Variants in SERPINF2 observed in about 807,000 individuals in gnomAD.
SERPINF2 encodes serpin family F member 2.
SERPINF2 carries 15 observed loss-of-function variants against 45.0 expected under a neutral mutation model. The observed-to-expected ratio is 0.33, with a 90% CI of 0.22 to 0.51. The LOEUF is 0.51. SERPINF2 is among the 20% of genes least tolerant of loss of function. The pLI, the probability that SERPINF2 is intolerant of heterozygous loss-of-function variation, is 0.97. For synonymous variants in SERPINF2, 283 were observed against 277.9 expected (o/e 1.02, Z -0.18); for missense variants, 518 against 637.4 (o/e 0.81, Z 2.02).
At chr17:1,748,776 C>A in intron 8 of SERPINF2, 36 bp downstream of exon 8, 1 of 1,095,310 alleles carries the variant, frequency 9.1e-7, no homozygotes, top group Non-Finnish European at 1.4e-6. Flanking sequence ...GGGCCTGAGG[C>A]TGGGAGGTGG....
chr17:1,754,694 G>C lies in SERPINF2; in HGVS notation c.*160G>C, dbSNP rs189673650. On this transcript the variant is annotated 3_prime_UTR_variant, in exon 10 of 10. Coordinates refer to ENST00000453066, the MANE Select transcript of SERPINF2 (RefSeq NM_000934.4). ...CTTGGGGAGTTTAGGGTGGGGGGGG[G>C]GCGCGGCTGGGAGGAGGGCAGGCAT... is the stretch of plus-strand genomic sequence containing the variant. The C allele has an allele frequency of 7.3e-6, 3 of 412,576 alleles. No individual in the cohort carries two copies. Among genetic ancestry groups the C allele is most frequent in the Admixed American group, 8.6e-5 (2 of 23,212 alleles). 25.6% of individuals were successfully genotyped at this position (412,576 alleles called of 1,614,324 possible). A position where few individuals can be genotyped will look rare whatever the true frequency, so the allele number is the denominator to read the frequency against.
At chr17:1,753,427 C>A (rs543289783) in intron 9 of SERPINF2, among the ~76,000 whole-genome samples, 1 of 152,344 alleles carries the variant, frequency 6.6e-6, no homozygotes, top group African/African-American at 2.4e-5. Flanking sequence ...TGGCTCACGT[C>A]TGTAATCCTA....
chr17:1,744,850 G>T (rs1216523920), intron 1 of SERPINF2, 142 bp from the exon 2 acceptor site: 16 of 1,540,862 alleles, frequency 1.0e-5, no homozygotes, highest in Non-Finnish European at 1.4e-5. Flanking sequence ...GTGTGTTTGG[G>T]GTCTGTTCTG....
chr17:1,745,633 G>T lies in SERPINF2; in HGVS notation c.166-75G>T, dbSNP rs1001812537. 1.1e-5 allele frequency: 16 copies of T among 1,441,102 alleles called. No homozygotes were observed. The highest frequency in any genetic ancestry group is 1.5e-5 in the Non-Finnish European group (15 of 1,033,664). The allele number at this position is 1,441,102 out of a possible 1,614,324, so 89.3% of individuals were successfully genotyped here. On this transcript the variant is annotated intron_variant, in intron 4 of 9. Coordinates refer to ENST00000453066, the MANE Select transcript of SERPINF2 (RefSeq NM_000934.4). The surrounding 1 kb of genome is among the most constrained non-coding windows in gnomAD (Gnocchi z 6.2). ...AGGCCCTGCTGTCCTCAGGCACAGG[G>T]GCTGTGACAAGGCCTTCAACACAGA...
intron 8 of SERPINF2, among the ~76,000 whole-genome samples, chr17:1,749,742 AG>A (rs1410309205): frequency 1.3e-5 from 2 of 151,978 alleles, no homozygotes; most frequent in Non-Finnish European, 2.9e-5. Flanking sequence ...TTCTGTGAGG[AG>A]GGGGCATTGA....
chr17:1,750,037 G>A (rs1231568390), intron 8 of SERPINF2, among the ~76,000 whole-genome samples: 2 of 150,916 alleles, frequency 1.3e-5, no homozygotes, highest in Admixed American at 1.3e-4. Flanking sequence ...GCAGTGGCAC[G>A]ATCTCGGCTC....
rs781139539 is a variant in SERPINF2, at chr17:1,744,947, C to T, written c.-4-45C>T. Reference sequence around the variant, plus strand: ...CGCGTGGGTAGGATTCCCTGGCGGGCGTGGGGATGTGAGATGGGAACAGAG... The same window carrying T: ...CGCGTGGGTAGGATTCCCTGGCGGGTGTGGGGATGTGAGATGGGAACAGAG... On this transcript the variant is annotated intron_variant, in intron 1 of 9. Coordinates refer to ENST00000453066, the MANE Select transcript of SERPINF2 (RefSeq NM_000934.4). The T allele has an allele frequency of 1.4e-5, 23 of 1,611,720 alleles. No individual in the cohort carries two copies. The East Asian group carries it at 2.0e-4, about 14-fold the overall frequency.
Position 1,747,457 on chromosome 17 carries a change from C to T in SERPINF2, c.660C>T (p.Leu220=). ...EATEGKIQEF[L]SGLPEDTVLL... ...CGGAGGGGAAGATTCAGGAATTCCT[C>T]TCTGGGCTGCCGGAAGACACCGTGT... The change falls in exon 7 of 10, where the codon CTC becomes CTT. Residue 220 remains leucine (L), a synonymous_variant. Coordinates refer to ENST00000453066, the MANE Select transcript of SERPINF2 (RefSeq NM_000934.4). 5 of 1,614,178 alleles carry T rather than the reference C, an allele frequency of 3.1e-6. No individual in the cohort carries two copies. The highest frequency in any genetic ancestry group is 3.4e-6 in the Non-Finnish European group (4 of 1,180,046).
chr17:1,751,555 C>T (rs2151195391), intron 8 of SERPINF2, among the ~76,000 whole-genome samples: 1 of 136,592 alleles, frequency 7.3e-6, no homozygotes, highest in African/African-American at 2.5e-5. Context: ...GAGATTGAGA[C>T]CATCCTGGCT....
Position 1,745,689 on chromosome 17 carries a change from C to A in SERPINF2, c.166-19C>A, listed in dbSNP as rs757961146. Reference sequence around the variant, plus strand: ...GAGCTGACCCCTTGACCTCCCTGACCCCTGATCTGTCCCTGCAGGAGCCTG... The same window carrying A: ...GAGCTGACCCCTTGACCTCCCTGACACCTGATCTGTCCCTGCAGGAGCCTG... On this transcript the variant is annotated intron_variant, in intron 4 of 9. Coordinates refer to ENST00000453066, the MANE Select transcript of SERPINF2 (RefSeq NM_000934.4). This position sits in a 1 kb window ranked among gnomAD's most constrained non-coding sequence, Gnocchi z 6.2. 1 of 1,611,710 alleles carries A rather than the reference C, an allele frequency of 6.2e-7. No homozygotes were observed. Among genetic ancestry groups the A allele is most frequent in the Admixed American group, 1.7e-5 (1 of 60,010 alleles).
rs760088657 is a variant in SERPINF2, at chr17:1,748,623, G to T, written c.741G>T (p.Pro247=). Residue 247 remains proline, a synonymous_variant, in exon 8 of 10, where the codon CCG becomes CCT. Transcript: ENST00000453066. ...GTTTCTGGAGGAACAAGTTTGACCC[G>T]AGCCTTACCCAGAGAGACTCCTTCC... is the stretch of plus-strand genomic sequence containing the variant. ...FQGFWRNKFD[P]SLTQRDSFHL... 1 of 1,613,976 alleles carries T rather than the reference G, an allele frequency of 6.2e-7. No individual in the cohort carries two copies. The highest frequency in any genetic ancestry group is 1.7e-5 in the Admixed American group (1 of 60,024).
rs1445092230 is a variant in SERPINF2 at position 1,745,771 on chromosome 17, G to C, written c.229G>C (p.Glu77Gln). The change falls in exon 5 of 10, where the codon GAG becomes CAG. Residue 77 changes from glutamate to glutamine, a missense_variant. Coordinates refer to ENST00000453066, the MANE Select transcript of SERPINF2 (RefSeq NM_000934.4). This position sits in a 1 kb window ranked among gnomAD's most constrained non-coding sequence, Gnocchi z 6.2. ...PGVCSRDPTP[E>Q]QTHRLARAMM... ...AGTCTGCAGCAGAGACCCCACCCCA[G>C]AGCAGACCCACAGGCTGGCCCGGGC... The C allele has an allele frequency of 1.2e-6, 2 of 1,613,882 alleles. No individual in the cohort carries two copies. The highest frequency in any genetic ancestry group is 1.7e-6 in the Non-Finnish European group (2 of 1,179,996).
intron 1 of SERPINF2, among the ~76,000 whole-genome samples, chr17:1,743,843 C>G (rs1465231250): frequency 6.6e-6 from 1 of 151,834 alleles, no homozygotes; most frequent in Non-Finnish European, 1.5e-5. Flanking sequence ...TTGAGCCAAG[C>G]TGACCCCAGC....
chr17:1,752,442 G>A (rs1384966587), intron 8 of SERPINF2, 144 bp from the exon 9 acceptor site: 8 of 743,144 alleles, frequency 1.1e-5, no homozygotes, highest in Non-Finnish European at 1.7e-5. Flanking sequence ...CCACTGTGAG[G>A]AAGTGGAGGA....
At position 1,752,622 on chromosome 17, in the gene SERPINF2, G is replaced by C; in HGVS notation, c.895G>C (p.Val299Leu). Residue 299 changes from valine to leucine, a missense_variant, in exon 9 of 10, where the codon GTG (valine) becomes CTG (leucine). By Grantham distance (32) the Val-to-Leu change is conservative (BLOSUM62 1). This residue lies in a region of SERPINF2 where 435 missense variants were observed against 577.3 expected (regional missense o/e 0.75). Coordinates refer to ENST00000453066, the MANE Select transcript of SERPINF2 (RefSeq NM_000934.4). Reference sequence around the variant, plus strand: ...CCCCTTTAAGAACAACATGAGCTTTGTGGTCCTTGTACCCACCCACTTTGA... The same window carrying C: ...CCCCTTTAAGAACAACATGAGCTTTCTGGTCCTTGTACCCACCCACTTTGA... ...HFPFKNNMSF[V>L]VLVPTHFEWN... 3.1e-6 allele frequency: 5 copies of C among 1,614,162 alleles called. No individual in the cohort carries two copies. The highest frequency in any genetic ancestry group is 4.2e-6 in the Non-Finnish European group (5 of 1,180,028).
At position 1,754,965 on chromosome 17, in the gene SERPINF2, G is replaced by T. The variant is rs983938692; in HGVS notation, c.*431G>T. 11 of 225,062 alleles carry T rather than the reference G, an allele frequency of 4.9e-5. No individual in the cohort carries two copies. Among genetic ancestry groups the T allele is most frequent in the African/African-American group, 2.5e-4 (11 of 43,472 alleles). The allele number at this position is 225,062 out of a possible 1,614,324, so 13.9% of individuals were successfully genotyped here. A position where few individuals can be genotyped will look rare whatever the true frequency, so the allele number is the denominator to read the frequency against. ...GAGAGACGGGCCCTGGTGGTGGCTCGGGAGGCGAAGCGTTGTCCTCAGCCC... is the reference window on the plus strand; with the variant it reads ...GAGAGACGGGCCCTGGTGGTGGCTCTGGAGGCGAAGCGTTGTCCTCAGCCC... On this transcript the variant is annotated 3_prime_UTR_variant, in exon 10 of 10. Coordinates refer to ENST00000453066, the MANE Select transcript of SERPINF2 (RefSeq NM_000934.4).
At position 1,745,734 on chromosome 17, in the gene SERPINF2, G is replaced by A; in HGVS notation, c.192G>A (p.Lys64=). 6.2e-7 allele frequency: 1 copy of A among 1,613,814 alleles called. No homozygotes were observed. The highest frequency in any genetic ancestry group is 8.5e-7 in the Non-Finnish European group (1 of 1,179,998). The part of the protein sequence containing the change: ...NQEPGGQTAL[K]SPPGVCSRDP... Reference sequence around the variant, plus strand: ...AGCCTGGTGGCCAGACTGCCCTGAAGAGTCCCCCAGGAGTCTGCAGCAGAG... The same window carrying A: ...AGCCTGGTGGCCAGACTGCCCTGAAAAGTCCCCCAGGAGTCTGCAGCAGAG... The change falls in exon 5 of 10, where the codon AAG becomes AAA. Residue 64 remains lysine (K), a synonymous_variant. Transcript: ENST00000453066. This position sits in a 1 kb window ranked among gnomAD's most constrained non-coding sequence, Gnocchi z 6.2.
At chr17:1,751,938 A>G (rs1396937830) in intron 8 of SERPINF2, among the ~76,000 whole-genome samples, 5 of 139,028 alleles carry the variant, frequency 3.6e-5, no homozygotes, top group African/African-American at 1.2e-4. Context: ...AAGCTGAGAC[A>G]AAGACAGGCG....
intron 8 of SERPINF2, among the ~76,000 whole-genome samples, chr17:1,749,710 A>C (rs1906188690): frequency 6.6e-6 from 1 of 151,958 alleles, no homozygotes; most frequent in Admixed American, 6.6e-5. Flanking sequence ...TTATTTAGGC[A>C]TTTTAGAGTG....
Sources: allele counts gnomAD v4.1 joint callset (sites outside exome capture counted in the v4.1 genomes callset), GRCh38; gene constraint gnomAD v4.1.1; regional missense constraint gnomAD v4.1.1; non-coding constraint Gnocchi (gnomAD v3.1); transcripts MANE v1.5; gene names NCBI Gene and HGNC (gene_info 2026-07-23, HGNC 2026-07-21).